SIL1: variants seen among roughly 807,000 people sequenced by gnomAD.
The protein encoded by SIL1 is SIL1 nucleotide exchange factor.
In SIL1, 40 loss-of-function variants were observed where a neutral mutation model predicts 49.1. The observed-to-expected ratio is 0.81, with a 90% CI of 0.63 to 1.06. The LOEUF is 1.06. SIL1 is among the 50% of genes least tolerant of loss of function. The pLI is 0.00. For synonymous variants in SIL1, 253 were observed against 250.8 expected, an observed-to-expected ratio of 1.01 and a Z score of -0.08; for missense variants, 500 against 572.6, an observed-to-expected ratio of 0.87 and a Z score of 1.29.
intron 3 of SIL1, among the ~76,000 whole-genome samples, chr5:139,083,999 G>A (rs1356886178): frequency 2.1e-4 from 26 of 122,056 alleles, no homozygotes; most frequent in African/African-American, 7.6e-4. Context: ...GTAGATATGC[G>A]GCATTATTTC....
intron 3 of SIL1, among the ~76,000 whole-genome samples, chr5:139,067,593 A>G (rs1423497659): frequency 1.3e-5 from 2 of 152,232 alleles, no homozygotes; most frequent in African/African-American, 2.4e-5. Context: ...TTAAGTACAC[A>G]TTTACATTTT....
intron 1 of SIL1, among the ~76,000 whole-genome samples, chr5:139,156,412 A>C (rs754661080): frequency 4.0e-5 from 6 of 151,804 alleles, no homozygotes; most frequent in Non-Finnish European, 8.8e-5. Context: ...AAAAAAAAAG[A>C]AGCCAGGTGT....
intron 1 of SIL1, among the ~76,000 whole-genome samples, chr5:139,177,724 A>G (rs1323695533): frequency 6.6e-6 from 1 of 152,136 alleles, no homozygotes; most frequent in African/African-American, 2.4e-5. Flanking sequence ...GCAGCACGTA[A>G]CTCTGACCCA....
At chr5:139,176,889 CCAAGGTCA>C in intron 1 of SIL1, among the ~76,000 whole-genome samples, 1 of 151,440 alleles carries the variant, frequency 6.6e-6, no homozygotes, top group Non-Finnish European at 1.5e-5. Flanking sequence ...AGTAAATAGT[CCAAGGTCA>C]CATAGCTTCC....
Position 139,155,472 on chromosome 5 carries a change from A to AGAGAGAGAGAGAGAGC in SIL1, c.-10-27620_-10-27619insGCTCTCTCTCTCTCTC, listed in dbSNP as rs1373705198. The AGAGAGAGAGAGAGAGC allele has an allele frequency of 2.0e-5, 3 of 152,160 alleles. No homozygotes were observed. In the South Asian group the frequency reaches 6.3e-4, roughly 32 times the overall value. The allele number at this position is 152,160 out of a possible 1,614,324, so 9.4% of individuals were successfully genotyped here. A position where few individuals can be genotyped will look rare whatever the true frequency, so the allele number is the denominator to read the frequency against. On this transcript the variant is annotated intron_variant, in intron 1 of 9. Coordinates refer to ENST00000394817, the MANE Select transcript of SIL1 (RefSeq NM_022464.5). ...GTGAGAGAGAGAGAGAGAGAGAGAG[A>AGAGAGAGAGAGAGAGC]GAGAGAACGAGCTCTCGAGCTCTCT...
chr5:139,026,639 A>C (rs1288078241), intron 6 of SIL1, among the ~76,000 whole-genome samples, 162 bp downstream of exon 6: 1 of 152,198 alleles, frequency 6.6e-6, no homozygotes, highest in Non-Finnish European at 1.5e-5. Context: ...TCTGGCCTCT[A>C]AGACTGTATC....
At chr5:139,145,895 TA>T (rs1332895839) in intron 1 of SIL1, among the ~76,000 whole-genome samples, 3 of 150,162 alleles carry the variant, frequency 2.0e-5, no homozygotes, top group African/African-American at 7.4e-5. Context: ...CTCTATCTCT[TA>T]AAAAATAAAT....
At chr5:138,998,875 T>C (rs1218489285) in intron 7 of SIL1, among the ~76,000 whole-genome samples, 1 of 99,066 alleles carries the variant, frequency 1.0e-5, no homozygotes, top group African/African-American at 4.5e-5. Context: ...TTTTTTTTTT[T>C]GAGACAGTTT....
At chr5:139,192,269 A>G (rs1342034355) in intron 1 of SIL1, among the ~76,000 whole-genome samples, 1 of 151,974 alleles carries the variant, frequency 6.6e-6, no homozygotes, top group Non-Finnish European at 1.5e-5. Flanking sequence ...CCTCACCAGA[A>G]CTTTAGGATG....
At chr5:139,013,112 C>G (rs997411880) in intron 7 of SIL1, among the ~76,000 whole-genome samples, 6 of 152,172 alleles carry the variant, frequency 3.9e-5, no homozygotes, top group South Asian at 2.1e-4. Context: ...CGGTTTTCCA[C>G]AGTCTGGTCT....
intron 7 of SIL1, chr5:139,013,453 C>T (rs1768328836): frequency 6.6e-6 from 1 of 152,152 alleles, no homozygotes; most frequent in African/African-American, 2.4e-5. Flanking sequence ...CCTGTTGAAA[C>T]CAAGAGCTCA....
chr5:139,061,652 A>G (rs1172601188), intron 3 of SIL1, among the ~76,000 whole-genome samples: 1 of 152,250 alleles, frequency 6.6e-6, no homozygotes, highest in Non-Finnish European at 1.5e-5. Context: ...ATGAAAAAAG[A>G]ACTGTGTCAG....
chr5:138,955,110 C>T (rs1766873874), intron 7 of SIL1, among the ~76,000 whole-genome samples: 1 of 152,204 alleles, frequency 6.6e-6, no homozygotes, highest in Admixed American at 6.5e-5. Flanking sequence ...AGGGACCAGT[C>T]CTGCTGGCTG....
chr5:139,032,498 A>G (rs2150437604), intron 5 of SIL1, among the ~76,000 whole-genome samples: 2 of 152,218 alleles, frequency 1.3e-5, no homozygotes, highest in East Asian at 3.9e-4. Context: ...TTTTGTTTCC[A>G]TGTTCGTGAG....
chr5:138,961,075 C>G (rs868852549), intron 7 of SIL1, among the ~76,000 whole-genome samples: 1 of 152,126 alleles, frequency 6.6e-6, no homozygotes, highest in Non-Finnish European at 1.5e-5. Context: ...TTAAACTAGT[C>G]CAGCAAGACC....
intron 7 of SIL1, among the ~76,000 whole-genome samples, chr5:138,981,342 G>A (rs1767514656): frequency 6.6e-6 from 1 of 152,118 alleles, no homozygotes; most frequent in Non-Finnish European, 1.5e-5. Flanking sequence ...GGTGACTCAG[G>A]TTCTCAACAG....
chr5:139,056,781 G>C (rs1414434665), intron 3 of SIL1, among the ~76,000 whole-genome samples: 1 of 151,956 alleles, frequency 6.6e-6, no homozygotes, highest in Non-Finnish European at 1.5e-5. Flanking sequence ...GAAGTGAGGA[G>C]CCCCTCTGCC....
At chr5:138,952,650 A>G (rs986157707) in intron 7 of SIL1, among the ~76,000 whole-genome samples, 1 of 152,254 alleles carries the variant, frequency 6.6e-6, no homozygotes, top group Non-Finnish European at 1.5e-5. Context: ...AACCATGAAC[A>G]TATCAATAGA....
At chr5:138,987,897 C>T (rs1767678820) in intron 7 of SIL1, among the ~76,000 whole-genome samples, 1 of 152,180 alleles carries the variant, frequency 6.6e-6, no homozygotes, top group African/African-American at 2.4e-5. Flanking sequence ...AGTGCAATGG[C>T]GTGATCTCGG....
Sources: allele counts gnomAD v4.1 joint callset (sites outside exome capture counted in the v4.1 genomes callset), GRCh38; gene constraint gnomAD v4.1.1; transcripts MANE v1.5; gene names NCBI Gene and HGNC (gene_info 2026-07-23, HGNC 2026-07-21).